The following CBX5 variants were observed in gnomAD, a reference collection of about 807,000 sequenced individuals.
CBX5 encodes chromobox 5.
CBX5 carries 7 observed loss-of-function variants against 20.7 expected under a neutral mutation model. That is an observed-to-expected ratio of 0.34 (90% CI 0.19 to 0.63). The LOEUF (loss-of-function observed/expected upper bound fraction) is 0.63. Ranked by LOEUF, CBX5 falls within the 30% of genes least tolerant of loss-of-function variation. CBX5 has a pLI of 0.75. For synonymous variants in CBX5, 78 were observed against 77.0 expected (o/e 1.01, Z -0.07); for missense variants, 110 against 224.1 (o/e 0.49, Z 3.25).
At position 54,241,806 on chromosome 12, in the gene CBX5, A is replaced by G. The variant is rs1950533067; in HGVS notation, c.525T>C (p.His175=). ...IAFYEERLTW[H]AYPEDAENKE... ...TGTTTTCCGCATCCTCAGGATATGC[A>G]TGCCATGTCAGTCTCTCTTCATAAA... The change falls in exon 5 of 5, where the codon CAT becomes CAC. Residue 175 remains histidine (H), a synonymous_variant. Transcript: ENST00000209875. 6.2e-7 allele frequency: 1 copy of G among 1,613,448 alleles called. No homozygotes were observed. Among genetic ancestry groups the G allele is most frequent in the Admixed American group, 1.7e-5 (1 of 59,770 alleles).
rs1222134307 is a variant in CBX5 at position 54,233,301 on chromosome 12, C to T, written c.*8454G>A. 1.3e-5 allele frequency: 2 copies of T among 152,116 alleles called. No homozygotes were observed. The highest frequency in any genetic ancestry group is 4.8e-5 in the African/African-American group (2 of 41,404). The allele number at this position is 152,116 out of a possible 1,614,324, so 9.4% of individuals were successfully genotyped here. A position where few individuals can be genotyped will look rare whatever the true frequency, so the allele number is the denominator to read the frequency against. ...AAGGTAGAAGAAAAAACAGTTATGTCTTTTCTCCCCCTTTGGATTTACTTT... is the reference window on the plus strand; with the variant it reads ...AAGGTAGAAGAAAAAACAGTTATGTTTTTTCTCCCCCTTTGGATTTACTTT... On this transcript the variant is annotated 3_prime_UTR_variant, in exon 5 of 5. Transcript: ENST00000209875.
intron 1 of CBX5, among the ~76,000 whole-genome samples, chr12:54,258,830 A>G (rs1279938489): frequency 2.0e-5 from 3 of 152,190 alleles, no homozygotes. Context: ...CACCCTCTAA[A>G]TATTTCCACC....
In CBX5 at chr12:54,240,674, T is replaced by C. The variant is rs988711348; in HGVS notation, c.*1081A>G. On this transcript the variant is annotated 3_prime_UTR_variant, in exon 5 of 5. Transcript: ENST00000209875. The stretch of plus-strand genomic sequence containing the variant: ...CTGCTATGAACACTTAAAATTGATA[T>C]TGTGGCCAACAGCTCACCTCTAAAA... 3.3e-5 allele frequency: 5 copies of C among 152,176 alleles called. No homozygotes were observed. Among genetic ancestry groups the C allele is most frequent in the African/African-American group, 4.8e-5 (2 of 41,442 alleles). 9.4% of individuals were successfully genotyped at this position (152,176 alleles called of 1,614,324 possible).
rs1370928818 is a variant in CBX5, at chr12:54,232,138, T to C, written c.*9617A>G. On this transcript the variant is annotated 3_prime_UTR_variant, in exon 5 of 5. Transcript: ENST00000209875. Reference sequence around the variant, plus strand: ...TAATCCAATGCTCTTGAATCTGAAATGGCCTCCCTCTGTGAATGCAAGACA... The same window carrying C: ...TAATCCAATGCTCTTGAATCTGAAACGGCCTCCCTCTGTGAATGCAAGACA... The C allele has an allele frequency of 6.6e-6, 1 of 152,194 alleles. No homozygotes were observed. Among genetic ancestry groups the C allele is most frequent in the Middle Eastern group, 3.2e-3 (1 of 316 alleles). The allele number at this position is 152,194 out of a possible 1,614,324, so 9.4% of individuals were successfully genotyped here. A position where few individuals can be genotyped will look rare whatever the true frequency, so the allele number is the denominator to read the frequency against.
At chr12:54,273,230 T>C (rs1436736886) in intron 1 of CBX5, 1 of 152,130 alleles carries the variant, frequency 6.6e-6, no homozygotes, top group African/African-American at 2.4e-5. Context: ...GATCACCTGA[T>C]GTCAAGGGTT....
chr12:54,252,892 G>A (rs769248309), intron 2 of CBX5, among the ~76,000 whole-genome samples: 1 of 151,280 alleles, frequency 6.6e-6, no homozygotes, highest in Non-Finnish European at 1.5e-5. Context: ...GGCTGAGGCA[G>A]GAGAATTGCT....
rs1943652051 is a variant in CBX5 at position 54,239,127 on chromosome 12, C to T, written c.*2628G>A. On this transcript the variant is annotated 3_prime_UTR_variant, in exon 5 of 5. Transcript: ENST00000209875. ...CAGCTGCAGGTAGGCAGGAAGAGAA[C>T]AAAAGTTGTTTTGGCGGCACTCAGT... The T allele has an allele frequency of 6.6e-6, 1 of 152,088 alleles. No homozygotes were observed. The highest frequency in any genetic ancestry group is 1.5e-5 in the Non-Finnish European group (1 of 68,028). The allele number at this position is 152,088 out of a possible 1,614,324, so 9.4% of individuals were successfully genotyped here.
At chr12:54,253,601 A>T (rs1331982792) in intron 2 of CBX5, among the ~76,000 whole-genome samples, 1 of 151,598 alleles carries the variant, frequency 6.6e-6, no homozygotes, top group Non-Finnish European at 1.5e-5. Flanking sequence ...GGTGGCTTGC[A>T]CCTGTAGTCC....
chr12:54,274,875 G>A (rs1354590305), intron 1 of CBX5, among the ~76,000 whole-genome samples: 2 of 152,072 alleles, frequency 1.3e-5, no homozygotes, highest in Non-Finnish European at 1.5e-5. Flanking sequence ...GGGAGGCAGA[G>A]GTTGCAGTGA....
chr12:54,243,874 A>C (rs911536905), intron 4 of CBX5, among the ~76,000 whole-genome samples: 13 of 152,186 alleles, frequency 8.5e-5, no homozygotes, highest in Non-Finnish European at 1.8e-4. Context: ...GTCTCAAAAA[A>C]ACAAAACAAA....
intron 1 of CBX5, among the ~76,000 whole-genome samples, chr12:54,267,553 C>T (rs1943967644): frequency 6.6e-6 from 1 of 151,882 alleles, no homozygotes; most frequent in Admixed American, 6.6e-5. Flanking sequence ...GCTCTGTCGC[C>T]CAGGCTGGAG....
At chr12:54,246,309 T>C (rs1943735332) in intron 3 of CBX5, 94 bp from the exon 4 acceptor site, 4 of 877,392 alleles carry the variant, frequency 4.6e-6, no homozygotes, top group East Asian at 5.0e-5. Context: ...TAAGTTAATA[T>C]CTCCTGATAT....
rs1943787015 is a variant in CBX5 at position 54,250,647 on chromosome 12, T to C, written c.324+1394A>G. Among the ~76,000 whole-genome samples, 3 of 140,492 alleles carry C rather than the reference T, an allele frequency of 2.1e-5. No homozygotes were observed. In the South Asian group the frequency reaches 6.7e-4, roughly 31 times the overall value. The allele number at this position is 140,492 out of a possible 152,430, so 92.2% of individuals were successfully genotyped here. ...GGTGAAACCCCGTCTCTACTAAAAATACAAAAAATTAGCCGGGCGCGGTGG... is the reference window on the plus strand; with the variant it reads ...GGTGAAACCCCGTCTCTACTAAAAACACAAAAAATTAGCCGGGCGCGGTGG... On this transcript the variant is annotated intron_variant, in intron 3 of 4. Coordinates refer to ENST00000209875, the MANE Select transcript of CBX5 (RefSeq NM_012117.3).
chr12:54,273,281 A>G (rs1406348165), intron 1 of CBX5: 2 of 152,182 alleles, frequency 1.3e-5, no homozygotes, highest in African/African-American at 4.8e-5. Flanking sequence ...TGTCTCTATC[A>G]AAAATACATA....
chr12:54,268,510 T>A (rs1353567558), intron 1 of CBX5, among the ~76,000 whole-genome samples: 1 of 152,168 alleles, frequency 6.6e-6, no homozygotes, highest in Non-Finnish European at 1.5e-5. Context: ...CTGACTCCCT[T>A]TTTGTCCAAT....
chr12:54,270,905 G>A (rs1426140953), intron 1 of CBX5, among the ~76,000 whole-genome samples: 2 of 151,986 alleles, frequency 1.3e-5, no homozygotes, highest in Non-Finnish European at 2.9e-5. Flanking sequence ...AGAAAAAAGG[G>A]TGGGTGGCTG....
chr12:54,276,144 A>C (rs992795895), intron 1 of CBX5, among the ~76,000 whole-genome samples: 1 of 152,168 alleles, frequency 6.6e-6, no homozygotes, highest in African/African-American at 2.4e-5. Context: ...TGGCTCCTAT[A>C]ATCTTTCAAA....
chr12:54,241,555 T>C lies in CBX5; in HGVS notation c.*200A>G, dbSNP rs1943676946. ...CACTCAGTATGTAAATGCCTGGTCT[T>C]CACAGAGAGACACTTATCATTAATC... On this transcript the variant is annotated 3_prime_UTR_variant, in exon 5 of 5. Transcript: ENST00000209875. 14 of 558,608 alleles carry C rather than the reference T, an allele frequency of 2.5e-5. No individual in the cohort carries two copies. The East Asian group carries it at 4.0e-4, about 16-fold the overall frequency. 34.6% of individuals were successfully genotyped at this position (558,608 alleles called of 1,614,324 possible). A position where few individuals can be genotyped will look rare whatever the true frequency, so the allele number is the denominator to read the frequency against.
chr12:54,273,262 G>A (rs1201548110), intron 1 of CBX5: 1 of 152,164 alleles, frequency 6.6e-6, no homozygotes, highest in Non-Finnish European at 1.5e-5. Flanking sequence ...TGGCAAACTG[G>A]TGAAATCCTG....
Sources: gnomAD v4.1 joint callset for allele counts (sites outside exome capture counted in the v4.1 genomes callset) on GRCh38, gnomAD v4.1.1 for gene constraint, MANE v1.5 for transcripts, NCBI Gene and HGNC (gene_info 2026-07-23, HGNC 2026-07-21) for gene names.